Variants in C2orf42 observed in about 807,000 individuals in gnomAD.
C2orf42 encodes the protein chromosome 2 open reading frame 42.
In C2orf42, 44 loss-of-function variants were observed where a neutral mutation model predicts 58.9. That is an observed-to-expected ratio of 0.75 (90% confidence interval 0.59 to 0.96). C2orf42 has a LOEUF of 0.96. C2orf42 is among the 40% of genes least tolerant of loss of function. The probability of loss-of-function intolerance (pLI) is 0.00; values close to 1 mark genes in which losing one functional copy is unlikely to be tolerated. For synonymous variants in C2orf42, 239 were observed against 265.4 expected (o/e 0.90, Z 0.97); for missense variants, 630 against 699.2 (o/e 0.90, Z 1.12).
chr2:70,165,379 A>T lies in C2orf42; in HGVS notation c.1252+149T>A, dbSNP rs894062020. On this transcript the variant is annotated intron_variant, in intron 7 of 9. Coordinates refer to ENST00000264434, the MANE Select transcript of C2orf42 (RefSeq NM_017880.3). Reference sequence around the variant, plus strand: ...AAATCAGTTGATGTAGATAATTGATATGCTGATCATTGAAGGCTTTGTGCT... The same window carrying T: ...AAATCAGTTGATGTAGATAATTGATTTGCTGATCATTGAAGGCTTTGTGCT... The T allele has an allele frequency of 2.8e-5, 18 of 633,496 alleles. No homozygotes were observed. The East Asian group carries it at 3.5e-4, about 12-fold the overall frequency. The allele number at this position is 633,496 out of a possible 1,614,324, so 39.2% of individuals were successfully genotyped here.
chr2:70,180,607 C>CA (rs59381817), intron 3 of C2orf42, among the ~76,000 whole-genome samples: 15,273 of 56,668 alleles, frequency 0.27, 2,866 homozygotes, highest in East Asian at 0.47. Flanking sequence ...GATTCTGTCT[C>CA]AAAAAAAAAA....
At chr2:70,177,823 G>A (rs60299061) in intron 4 of C2orf42, among the ~76,000 whole-genome samples, 29,352 of 152,070 alleles carry the variant, frequency 0.19, 4,735 homozygotes, top group African/African-American at 0.39. Flanking sequence ...ATCACTTGAG[G>A]TCAGGAGTTT....
chr2:70,171,074 C>T (rs1673782488), intron 5 of C2orf42, among the ~76,000 whole-genome samples: 1 of 151,812 alleles, frequency 6.6e-6, no homozygotes. Context: ...GAGATTGTGC[C>T]ACTGCACTCC....
rs185143813 is a variant in C2orf42 at position 70,151,011 on chromosome 2, G to A, written c.1517-447C>T. Among the ~76,000 whole-genome samples, 725 of 152,240 alleles carry A rather than the reference G, an allele frequency of 4.8e-3. 8 individuals carry two copies. Among genetic ancestry groups the A allele is most frequent in the African/African-American group, 0.015 (623 of 41,560 alleles). On this transcript the variant is annotated intron_variant, in intron 9 of 9. Transcript: ENST00000264434. ...CGCCCACCTCAGACTCCCAAGTGCT[G>A]GGATTACAGGCGTGAGCCACCACGC...
chr2:70,165,949 G>A (rs1371801674), intron 6 of C2orf42, among the ~76,000 whole-genome samples: 3 of 151,754 alleles, frequency 2.0e-5, no homozygotes, highest in African/African-American at 2.4e-5. Context: ...GGAGTGCAAT[G>A]GCATGATCTC....
chr2:70,151,750 T>A (rs1672328391), intron 9 of C2orf42, among the ~76,000 whole-genome samples: 1 of 152,050 alleles, frequency 6.6e-6, no homozygotes, highest in South Asian at 2.1e-4. Context: ...CTACTAAATC[T>A]TTGACTTCAT....
chr2:70,187,043 T>A (rs1487571932), intron 1 of C2orf42, among the ~76,000 whole-genome samples: 1 of 152,044 alleles, frequency 6.6e-6, no homozygotes, highest in East Asian at 1.9e-4. Flanking sequence ...GCATGGCACA[T>A]GTATACATAT....
intron 5 of C2orf42, among the ~76,000 whole-genome samples, chr2:70,171,359 C>T (rs1003431841): frequency 1.3e-5 from 2 of 152,100 alleles, no homozygotes; most frequent in Admixed American, 6.6e-5. Flanking sequence ...GAACATGTAT[C>T]CATATGCCCC....
At chr2:70,172,750 A>G (rs1673914042) in intron 5 of C2orf42, among the ~76,000 whole-genome samples, 1 of 152,244 alleles carries the variant, frequency 6.6e-6, no homozygotes, top group African/African-American at 2.4e-5. Flanking sequence ...CCTTTTGTAG[A>G]GATAATGCCT....
intron 5 of C2orf42, among the ~76,000 whole-genome samples, chr2:70,169,927 T>G (rs974879128): frequency 3.3e-5 from 5 of 151,654 alleles, no homozygotes; most frequent in Non-Finnish European, 7.4e-5. Flanking sequence ...CCCGGCTAAT[T>G]GTTGTATTTT....
At chr2:70,171,551 C>T (rs1357238584) in intron 5 of C2orf42, among the ~76,000 whole-genome samples, 1 of 151,978 alleles carries the variant, frequency 6.6e-6, no homozygotes, top group African/African-American at 2.4e-5. Flanking sequence ...TGCTCTGTTG[C>T]CCAGGCTAGA....
At position 70,165,560 on chromosome 2, in the gene C2orf42, C is replaced by T. The variant is rs568523461; in HGVS notation, c.1220G>A (p.Ser407Asn). ...DALQQRISIG[S>N]AKKRLPNSTT... ...GGAGTTGGGGAGCCGTTTTTTTGCACTTCCTATAGATATTCTTTGTTGCAG... is the reference window on the plus strand; with the variant it reads ...GGAGTTGGGGAGCCGTTTTTTTGCATTTCCTATAGATATTCTTTGTTGCAG... Residue 407 changes from serine (S) to asparagine (N), a missense_variant, in exon 7 of 10, where the codon AGT (serine) becomes AAT (asparagine). By Grantham distance (46) the Ser-to-Asn change is conservative. Coordinates refer to ENST00000264434, the MANE Select transcript of C2orf42 (RefSeq NM_017880.3). The T allele has an allele frequency of 5.0e-6, 8 of 1,610,538 alleles. No homozygotes were observed. In the East Asian group the frequency reaches 1.6e-4, roughly 31 times the overall value.
At chr2:70,187,501 C>T (rs1199832130) in intron 1 of C2orf42, among the ~76,000 whole-genome samples, 1 of 152,142 alleles carries the variant, frequency 6.6e-6, no homozygotes, top group Non-Finnish European at 1.5e-5. Flanking sequence ...GATCTGCCTG[C>T]CTCGGCCTCT....
chr2:70,181,335 C>A lies in C2orf42; in HGVS notation c.651G>T (p.Leu217Phe), dbSNP rs750211207. 11 of 1,614,068 alleles carry A rather than the reference C, an allele frequency of 6.8e-6. No homozygotes were observed. The highest frequency in any genetic ancestry group is 9.3e-6 in the Non-Finnish European group (11 of 1,179,980). ...AGGAGCAGAAGAAGCGGCGCTCAGG[C>A]AAGCTTTTGCCACTGACTTTCTGCA... ...SFVQKVSGKSLPERRFFCSCQ... is the reference protein window; with the variant it reads ...SFVQKVSGKSFPERRFFCSCQ... Residue 217 changes from leucine to phenylalanine, a missense_variant, in exon 3 of 10, where the codon TTG becomes TTT. By Grantham distance (22) the Leu-to-Phe change is conservative. Transcript: ENST00000264434.
chr2:70,159,969 CA>C (rs1672950898), intron 9 of C2orf42, among the ~76,000 whole-genome samples: 1 of 151,588 alleles, frequency 6.6e-6, no homozygotes. Flanking sequence ...ACAAGAGCAG[CA>C]AAAAAATAAT....
rs151181158 is a variant in C2orf42 at position 70,181,604 on chromosome 2, C to T, written c.382G>A (p.Val128Ile). 90 of 1,613,978 alleles carry T rather than the reference C, an allele frequency of 5.6e-5. No individual in the cohort carries two copies. Among genetic ancestry groups the T allele is most frequent in the Middle Eastern group, 1.6e-4 (1 of 6,084 alleles). ...PSCLKAATQGVVENQCQHIKL... is the reference protein window; with the variant it reads ...PSCLKAATQGIVENQCQHIKL... ...ATGTGCTGGCACTGGTTTTCCACAA[C>T]GCCTTGAGTGGCAGCTTTCAGGCAT... is the stretch of plus-strand genomic sequence containing the variant. The change falls in exon 3 of 10, where the codon GTT becomes ATT. Residue 128 changes from valine (V) to isoleucine (I), a missense_variant. Transcript: ENST00000264434.
At position 70,186,309 on chromosome 2, in the gene C2orf42, T is replaced by C. The variant is rs186843218; in HGVS notation, c.-281-3374A>G. Among the ~76,000 whole-genome samples, 848 of 152,102 alleles carry C rather than the reference T, an allele frequency of 5.6e-3. 9 individuals are homozygous for C. The highest frequency in any genetic ancestry group is 8.8e-3 in the Non-Finnish European group (601 of 68,012). The stretch of plus-strand genomic sequence containing the variant: ...TACGACATATATATACGTATATGTA[T>C]ATATACACACACACACACACATATA... On this transcript the variant is annotated intron_variant, in intron 1 of 9. Transcript: ENST00000264434.
At chr2:70,150,976 C>T (rs1292125053) in intron 9 of C2orf42, among the ~76,000 whole-genome samples, 2 of 152,164 alleles carry the variant, frequency 1.3e-5, no homozygotes, top group South Asian at 2.1e-4. Flanking sequence ...AATCTCTTGA[C>T]CTTGTGATCC....
intron 8 of C2orf42, among the ~76,000 whole-genome samples, chr2:70,163,198 GA>G (rs1398660701): frequency 6.7e-5 from 10 of 150,118 alleles, no homozygotes; most frequent in Non-Finnish European, 1.3e-4. Flanking sequence ...ATTACTGTAG[GA>G]AAAAAAACTC....
Sources: allele counts gnomAD v4.1 joint callset (sites outside exome capture counted in the v4.1 genomes callset), GRCh38; gene constraint gnomAD v4.1.1; transcripts MANE v1.5; gene names NCBI Gene and HGNC (gene_info 2026-07-23, HGNC 2026-07-21).